NLGN1: variants seen among roughly 807,000 people sequenced by gnomAD.
NLGN1 encodes neuroligin 1, also known as neuroligin-1.
In NLGN1, 12 loss-of-function variants were observed where a neutral mutation model predicts 65.5. The ratio of observed to expected loss-of-function variants is 0.18; its 90% CI spans 0.12 to 0.30. NLGN1 has a LOEUF of 0.30. Among genes scored for constraint, NLGN1 ranks in the 10% least tolerant of loss-of-function variants. The pLI is 1.00. For missense variants in NLGN1, 750 were observed against 1,007.1 expected, an observed-to-expected ratio of 0.74 and a Z score of 3.46; for synonymous variants, 350 against 359.5, an observed-to-expected ratio of 0.97 and a Z score of 0.30.
chr3:173,789,769 G>A (rs754119702), intron 3 of NLGN1: 7 of 454,412 alleles, frequency 1.5e-5, no homozygotes, highest in Non-Finnish European at 3.1e-5. Context: ...TCCACACTCC[G>A]CCCATCCTTC....
chr3:173,856,763 A>T (rs1051772479), intron 4 of NLGN1, among the ~76,000 whole-genome samples: 1 of 152,148 alleles, frequency 6.6e-6, no homozygotes, highest in Non-Finnish European at 1.5e-5. Flanking sequence ...AGAGGCCTAA[A>T]ATACTAGAGA....
At chr3:173,734,632 G>A (rs1286972810) in intron 3 of NLGN1, among the ~76,000 whole-genome samples, 1 of 151,488 alleles carries the variant, frequency 6.6e-6, no homozygotes, top group African/African-American at 2.4e-5. Flanking sequence ...TGAACTCCTG[G>A]CCTCAAGCAA....
chr3:173,812,598 G>A (rs539736086), intron 4 of NLGN1, among the ~76,000 whole-genome samples: 21 of 151,796 alleles, frequency 1.4e-4, no homozygotes, highest in Middle Eastern at 3.4e-3. Flanking sequence ...AGGTGTGGTG[G>A]CACATGCTTG....
At chr3:173,691,050 G>A (rs887066492) in intron 3 of NLGN1, among the ~76,000 whole-genome samples, 59 of 152,120 alleles carry the variant, frequency 3.9e-4, no homozygotes, top group African/African-American at 1.4e-3. Context: ...GGGAGATGGA[G>A]GAGTGGAAGC....
intron 4 of NLGN1, among the ~76,000 whole-genome samples, chr3:174,115,531 G>C (rs1400559223): frequency 6.6e-6 from 1 of 152,174 alleles, no homozygotes; most frequent in East Asian, 1.9e-4. Flanking sequence ...TCCACGTTAA[G>C]ATAACTGATT....
intron 4 of NLGN1, among the ~76,000 whole-genome samples, chr3:174,246,408 G>A (rs1219266318): frequency 6.6e-6 from 1 of 152,028 alleles, no homozygotes; most frequent in African/African-American, 2.4e-5. Flanking sequence ...AACTTACTAG[G>A]ATGACCCTAA....
At chr3:174,044,657 G>C (rs1278148168) in intron 4 of NLGN1, among the ~76,000 whole-genome samples, 1 of 152,048 alleles carries the variant, frequency 6.6e-6, no homozygotes, top group Non-Finnish European at 1.5e-5. Flanking sequence ...CATTCAACAA[G>C]TCTCTAGGAA....
chr3:174,160,323 C>T (rs1726249267), intron 4 of NLGN1, among the ~76,000 whole-genome samples: 3 of 151,596 alleles, frequency 2.0e-5, no homozygotes, highest in African/African-American at 4.8e-5. Context: ...GATCCTGATT[C>T]CTCTCTCCTA....
chr3:174,203,703 G>T (rs1306302382), intron 4 of NLGN1, among the ~76,000 whole-genome samples: 1 of 152,070 alleles, frequency 6.6e-6, no homozygotes, highest in Non-Finnish European at 1.5e-5. Flanking sequence ...ATCGACTAGG[G>T]TTTGTGTAAT....
chr3:174,066,558 C>CTGTGTG (rs1327610699), intron 4 of NLGN1, among the ~76,000 whole-genome samples: 87 of 134,220 alleles, frequency 6.5e-4, no homozygotes, highest in African/African-American at 2.6e-3. Context: ...CTCTCTCTCT[C>CTGTGTG]TCTCTCTGTG....
intron 4 of NLGN1, among the ~76,000 whole-genome samples, chr3:174,208,545 T>C (rs1735842431): frequency 2.0e-5 from 3 of 152,270 alleles, no homozygotes; most frequent in South Asian, 4.1e-4. Flanking sequence ...AATTTTCTAG[T>C]GCTCTCTAAT....
intron 4 of NLGN1, among the ~76,000 whole-genome samples, chr3:173,955,093 G>A (rs1711658812): frequency 6.6e-6 from 1 of 152,098 alleles, no homozygotes; most frequent in South Asian, 2.1e-4. Context: ...GTGTGGCTGT[G>A]TTTCCATAAA....
chr3:174,268,780 C>T (rs758556755), intron 4 of NLGN1, among the ~76,000 whole-genome samples: 3 of 151,976 alleles, frequency 2.0e-5, no homozygotes, highest in Non-Finnish European at 4.4e-5. Context: ...TGTACTCCCC[C>T]GTGTCCAGCT....
At chr3:174,200,554 G>T (rs1208986573) in intron 4 of NLGN1, among the ~76,000 whole-genome samples, 2 of 152,190 alleles carry the variant, frequency 1.3e-5, no homozygotes, top group Non-Finnish European at 2.9e-5. Context: ...CAGACGAGGT[G>T]AAGCATGGCC....
chr3:173,484,797 G>C (rs1445527169), intron 2 of NLGN1, among the ~76,000 whole-genome samples: 1 of 152,102 alleles, frequency 6.6e-6, no homozygotes, highest in African/African-American at 2.4e-5. Flanking sequence ...TCATTTATAT[G>C]ACTCAAAGGA....
chr3:173,862,844 G>A (rs1376163522), intron 4 of NLGN1, among the ~76,000 whole-genome samples: 1 of 152,076 alleles, frequency 6.6e-6, no homozygotes, highest in Non-Finnish European at 1.5e-5. Context: ...CAATATTCAG[G>A]TAAGAAGCTA....
chr3:173,509,974 G>A (rs377766176), intron 2 of NLGN1, among the ~76,000 whole-genome samples: 9 of 152,168 alleles, frequency 5.9e-5, no homozygotes, highest in East Asian at 1.9e-4. Flanking sequence ...TAAGCACATG[G>A]AGTATGCTTC....
intron 4 of NLGN1, among the ~76,000 whole-genome samples, chr3:174,104,605 A>G (rs948723011): frequency 6.6e-6 from 1 of 152,184 alleles, no homozygotes; most frequent in Admixed American, 6.6e-5. Flanking sequence ...AAGATATAAA[A>G]ACATGCACTT....
chr3:173,975,381 T>G (rs1454200369), intron 4 of NLGN1, among the ~76,000 whole-genome samples: 1 of 151,914 alleles, frequency 6.6e-6, no homozygotes, highest in Non-Finnish European at 1.5e-5. Context: ...AAGGGAGCTC[T>G]GGGAAGGAGA....
Sources: allele counts gnomAD v4.1 joint callset (sites outside exome capture counted in the v4.1 genomes callset), GRCh38; gene constraint gnomAD v4.1.1; transcripts MANE v1.5; gene names NCBI Gene and HGNC (gene_info 2026-07-23, HGNC 2026-07-21).